The following DECR2 variants were observed in gnomAD, a reference collection of about 807,000 sequenced individuals.
The protein encoded by DECR2 is 2,4-dienoyl-CoA reductase 2.
A neutral mutation model predicts 29.2 loss-of-function variants in DECR2; 34 were observed. The ratio of observed to expected loss-of-function variants is 1.16; its 90% CI spans 0.89 to 1.55. DECR2 has a LOEUF of 1.55. Ranked by LOEUF, DECR2 falls within the 40% of genes most tolerant of loss-of-function variation. The pLI, the probability that DECR2 is intolerant of heterozygous loss-of-function variation, is 0.00. For synonymous variants in DECR2, 224 were observed against 182.7 expected (o/e 1.23, Z -1.82); for missense variants, 485 against 425.3 (o/e 1.14, Z -1.23).
chr16:411,483 G>T lies in DECR2; in HGVS notation c.784G>T (p.Gly262Trp). The change falls in exon 8 of 9, where the codon GGG becomes TGG. Residue 262 changes from glycine (G) to tryptophan (W), a missense_variant. Physicochemically the swap from Gly to Trp is radical, Grantham distance 184. Coordinates refer to ENST00000219481, the MANE Select transcript of DECR2 (RefSeq NM_020664.4). ...LASPLASYVT[G>W]AVLVADGGAW... ...CAGCCCTCTGGCTTCCTACGTGACG[G>T]GGGCCGTGCTGGTGGCCGATGGCGG... is the stretch of plus-strand genomic sequence containing the variant. The T allele has an allele frequency of 6.2e-7, 1 of 1,613,992 alleles. No homozygotes were observed. The highest frequency in any genetic ancestry group is 8.5e-7 in the Non-Finnish European group (1 of 1,180,012).
rs755289125 is a variant in DECR2, at chr16:410,920, G to A, written c.557-52G>A. 3.8e-5 allele frequency: 59 copies of A among 1,548,966 alleles called. No homozygotes were observed. The highest frequency in any genetic ancestry group is 4.7e-5 in the Non-Finnish European group (54 of 1,145,660). On this transcript the variant is annotated intron_variant, in intron 6 of 8. Coordinates refer to ENST00000219481, the MANE Select transcript of DECR2 (RefSeq NM_020664.4). This position sits in a 1 kb window ranked among gnomAD's most constrained non-coding sequence, Gnocchi z 4.1. The stretch of plus-strand genomic sequence containing the variant: ...CAGCGAGACCTGGCCTTGGCCCTGC[G>A]CCCTCGCAGAGGGCAGAGCGGCCCT...
chr16:406,659 G>T, intron 3 of DECR2: 1 of 624,726 alleles, frequency 1.6e-6, no homozygotes, highest in South Asian at 1.8e-5. Context: ...CACCACGCCT[G>T]GCTAATTTTT....
chr16:403,378 T>G (rs2054689905), intron 1 of DECR2, among the ~76,000 whole-genome samples: 1 of 152,162 alleles, frequency 6.6e-6, no homozygotes, highest in African/African-American at 2.4e-5. Flanking sequence ...AGCAAAAGTT[T>G]GCCATCCATC....
rs1361593046 is a variant in DECR2 at position 405,522 on chromosome 16, G to A, written c.149+498G>A. 3 of 1,303,568 alleles carry A rather than the reference G, an allele frequency of 2.3e-6. No homozygotes were observed. In the South Asian group the frequency reaches 3.7e-5, roughly 16 times the overall value. The allele number at this position is 1,303,568 out of a possible 1,614,324, so 80.8% of individuals were successfully genotyped here. On this transcript the variant is annotated intron_variant, in intron 2 of 8. Transcript: ENST00000219481. ...GTGGCTTTGTGCTCAGGGCATCTGA[G>A]GACCAGATGGGACATTGCAGCTCCA...
rs1348318856 is a variant in DECR2 at position 412,474 on chromosome 16, T to A, written c.*585T>A. 1.3e-5 allele frequency: 2 copies of A among 152,232 alleles called. No individual in the cohort carries two copies. The highest frequency in any genetic ancestry group is 6.5e-5 in the Admixed American group (1 of 15,276). The allele number at this position is 152,232 out of a possible 1,614,324, so 9.4% of individuals were successfully genotyped here. On this transcript the variant is annotated 3_prime_UTR_variant, in exon 9 of 9. Transcript: ENST00000219481. ...GAAAAGAAAGAGGATTAAAGAGAAT[T>A]GCTGGTGATCCTATCGTTTAGGGGT...
chr16:411,135 C>T, intron 7 of DECR2, 59 bp downstream of exon 7: 1 of 1,431,408 alleles, frequency 7.0e-7, no homozygotes. Flanking sequence ...ACAGGGTGCC[C>T]ATGAAGCTTC....
Position 407,408 on chromosome 16 carries a change from CT to C in DECR2, c.202-14del. ...GAGGCTGCAGGGCTGCTGTCTGCCT[CT>C]TTACCTGGCTTCTAGGCCGCCAGGA... On this transcript the variant is annotated splice_polypyrimidine_tract_variant and intron_variant, in intron 3 of 8. Coordinates refer to ENST00000219481, the MANE Select transcript of DECR2 (RefSeq NM_020664.4). The C allele has an allele frequency of 6.3e-7, 1 of 1,599,996 alleles. No homozygotes were observed.
rs912171721 is a variant in DECR2 at position 412,422 on chromosome 16, A to T, written c.*533A>T. On this transcript the variant is annotated 3_prime_UTR_variant, in exon 9 of 9. Coordinates refer to ENST00000219481, the MANE Select transcript of DECR2 (RefSeq NM_020664.4). ...GATAATCTATTTACTGTAAAAATAAATTGGACTTTGCAAAAGCTTTTAGAA... is the reference window on the plus strand; with the variant it reads ...GATAATCTATTTACTGTAAAAATAATTTGGACTTTGCAAAAGCTTTTAGAA... 3.3e-5 allele frequency: 5 copies of T among 152,214 alleles called. No individual in the cohort carries two copies. 9.4% of individuals were successfully genotyped at this position (152,214 alleles called of 1,614,324 possible). A position where few individuals can be genotyped will look rare whatever the true frequency, so the allele number is the denominator to read the frequency against.
At position 410,454 on chromosome 16, in the gene DECR2, T is replaced by C. The variant is rs2054799376; in HGVS notation, c.462+87T>C. On this transcript the variant is annotated intron_variant, in intron 5 of 8. Coordinates refer to ENST00000219481, the MANE Select transcript of DECR2 (RefSeq NM_020664.4). The surrounding 1 kb of genome is among the most constrained non-coding windows in gnomAD (Gnocchi z 4.1). ...GAAGTTCTTCCGGGTGGGTGCCTTG[T>C]GCGCTCTGTGAGAAGTTCTTCCGGG... The C allele has an allele frequency of 6.4e-7, 1 of 1,566,102 alleles. No individual in the cohort carries two copies. The highest frequency in any genetic ancestry group is 1.5e-5 in the African/African-American group (1 of 67,648).
rs2054800028 is a variant in DECR2, at chr16:410,474, T to C, written c.462+107T>C. 2.0e-5 allele frequency: 32 copies of C among 1,562,244 alleles called. No individual in the cohort carries two copies. The highest frequency in any genetic ancestry group is 1.4e-4 in the East Asian group (6 of 44,148). ...CCTTGTGCGCTCTGTGAGAAGTTCT[T>C]CCGGGTGGGTGTACTCCCAGCGGGG... On this transcript the variant is annotated intron_variant, in intron 5 of 8. Coordinates refer to ENST00000219481, the MANE Select transcript of DECR2 (RefSeq NM_020664.4). This position sits in a 1 kb window ranked among gnomAD's most constrained non-coding sequence, Gnocchi z 4.1.
intron 2 of DECR2, among the ~76,000 whole-genome samples, chr16:406,024 G>A (rs1263397290): frequency 6.6e-6 from 1 of 152,248 alleles, no homozygotes; most frequent in East Asian, 1.9e-4. Flanking sequence ...GGAGAAGGGG[G>A]TGGAGAATGT....
chr16:404,037 G>A (rs911221441), intron 1 of DECR2, among the ~76,000 whole-genome samples: 3 of 151,526 alleles, frequency 2.0e-5, no homozygotes, highest in East Asian at 2.0e-4. Context: ...GCTGGGCGTG[G>A]TGGCAGGTGC....
intron 3 of DECR2, 85 bp downstream of exon 3, chr16:406,482 A>T: frequency 6.9e-7 from 1 of 1,456,162 alleles, no homozygotes; most frequent in Non-Finnish European, 9.4e-7. Context: ...TCCAGAGGCT[A>T]TGGGGATGTT....
In DECR2 at chr16:410,082, C is replaced by A; in HGVS notation, c.338-161C>A. On this transcript the variant is annotated intron_variant, in intron 4 of 8. Transcript: ENST00000219481. This position sits in a 1 kb window ranked among gnomAD's most constrained non-coding sequence, Gnocchi z 4.1. ...CAGTGCAGCCAGGACGCCCGTCTTG[C>A]TCTGGTCATTTTGGAATTTATCCTA... 2 of 1,059,908 alleles carry A rather than the reference C, an allele frequency of 1.9e-6. No homozygotes were observed. The highest frequency in any genetic ancestry group is 2.6e-6 in the Non-Finnish European group (2 of 754,728). The allele number at this position is 1,059,908 out of a possible 1,614,324, so 65.7% of individuals were successfully genotyped here.
chr16:406,412 C>T lies in DECR2; in HGVS notation c.201+15C>T, dbSNP rs1368906317. On this transcript the variant is annotated intron_variant, in intron 3 of 8. Transcript: ENST00000219481. Reference sequence around the variant, plus strand: ...GAGTGCTGACGGTGAGAGGGCCTCTCCCATGGTCCCCTGTTCGGGTGGCTG... The same window carrying T: ...GAGTGCTGACGGTGAGAGGGCCTCTTCCATGGTCCCCTGTTCGGGTGGCTG... The T allele has an allele frequency of 6.2e-7, 1 of 1,607,050 alleles. No homozygotes were observed. The highest frequency in any genetic ancestry group is 1.7e-5 in the Admixed American group (1 of 60,004).
chr16:410,144 G>A lies in DECR2; in HGVS notation c.338-99G>A, dbSNP rs2054793226. 4 of 1,495,524 alleles carry A rather than the reference G, an allele frequency of 2.7e-6. No individual in the cohort carries two copies. The highest frequency in any genetic ancestry group is 2.7e-6 in the Non-Finnish European group (3 of 1,114,168). The allele number at this position is 1,495,524 out of a possible 1,614,324, so 92.6% of individuals were successfully genotyped here. ...TCCTCCCTGTGCCACAGGGCACCTG[G>A]GCTCCCTCCTGCACCCTCCGCTCTG... On this transcript the variant is annotated intron_variant, in intron 4 of 8. Coordinates refer to ENST00000219481, the MANE Select transcript of DECR2 (RefSeq NM_020664.4). This position sits in a 1 kb window ranked among gnomAD's most constrained non-coding sequence, Gnocchi z 4.1.
rs751694485 is a variant in DECR2 at position 407,483 on chromosome 16, T to G, written c.260T>G (p.Val87Gly). The G allele has an allele frequency of 6.2e-7, 1 of 1,613,768 alleles. No individual in the cohort carries two copies. Residue 87 changes from valine to glycine, a missense_variant, in exon 4 of 9, where the codon GTC becomes GGC. Transcript: ENST00000219481. ...CGCTGCCTCCCTCTCTCTATGGACG[T>G]CCGAGCGCCCCCAGCTGTCATGGCC... The part of the protein sequence containing the change: ...GRRCLPLSMD[V>G]RAPPAVMAAV...
chr16:404,093 A>C (rs2141804297), intron 1 of DECR2, among the ~76,000 whole-genome samples: 1 of 152,004 alleles, frequency 6.6e-6, no homozygotes, highest in Middle Eastern at 3.4e-3. Context: ...GAATGGTGTG[A>C]ACCTGGGAGG....
intron 2 of DECR2, among the ~76,000 whole-genome samples, chr16:406,132 G>A (rs543088452): frequency 1.4e-4 from 21 of 152,314 alleles, no homozygotes; most frequent in African/African-American, 4.3e-4. Flanking sequence ...AGGCCTGTGC[G>A]GTGGGATGTC....
Sources: allele counts gnomAD v4.1 joint callset (sites outside exome capture counted in the v4.1 genomes callset), GRCh38; gene constraint gnomAD v4.1.1; non-coding constraint Gnocchi (gnomAD v3.1); transcripts MANE v1.5; gene names NCBI Gene and HGNC (gene_info 2026-07-23, HGNC 2026-07-21).